ABCC12: variants seen among roughly 807,000 people sequenced by gnomAD.
ABCC12 encodes ATP-binding cassette sub-family C member 12.
In ABCC12, 142 loss-of-function variants were observed where a neutral mutation model predicts 151.1. The ratio of observed to expected loss-of-function variants is 0.94; its 90% CI spans 0.82 to 1.08. ABCC12 has a LOEUF of 1.08. Among genes scored for constraint, ABCC12 ranks in the 50% least tolerant of loss-of-function variants. ABCC12 has a pLI of 0.00. For synonymous variants in ABCC12, 645 were observed against 646.4 expected (o/e 1.00, Z 0.03); for missense variants, 1,638 against 1,691.1 (o/e 0.97, Z 0.55).
In ABCC12 at chr16:48,140,900, G is replaced by A. The variant is rs371512764; in HGVS notation, c.444C>T (p.Ile148=). Residue 148 remains isoleucine (I), a synonymous_variant, in exon 6 of 31, where the codon ATC becomes ATT. Transcript: ENST00000311303. ...AIGPTVLIHQ[I]LQQTERTSGK... The stretch of plus-strand genomic sequence containing the variant: ...CAGAGGTCCTCTCAGTCTGCTGGAG[G>A]ATTTGGTGAATGAGAACTGTCTGTA... 4 of 1,613,996 alleles carry A rather than the reference G, an allele frequency of 2.5e-6. No individual in the cohort carries two copies. The Admixed American group carries it at 6.7e-5, about 27-fold the overall frequency.
chr16:48,103,282 TATA>T (rs1467230496), intron 22 of ABCC12, among the ~76,000 whole-genome samples: 1 of 152,022 alleles, frequency 6.6e-6, no homozygotes, highest in Non-Finnish European at 1.5e-5. Flanking sequence ...CTAAATATTT[TATA>T]ATTTGGGGGA....
chr16:48,121,619 C>T, intron 13 of ABCC12, 97 bp downstream of exon 13: 5 of 1,471,324 alleles, frequency 3.4e-6, no homozygotes, highest in Non-Finnish European at 4.6e-6. Context: ...TCATTAAACT[C>T]AGAACCCACT....
At chr16:48,145,793 G>A (rs1249230498) in intron 3 of ABCC12, among the ~76,000 whole-genome samples, 1 of 152,242 alleles carries the variant, frequency 6.6e-6, no homozygotes, top group Non-Finnish European at 1.5e-5. Context: ...ACAGGAGTAA[G>A]CCTGGTCAAG....
chr16:48,108,494 G>A lies in ABCC12; in HGVS notation c.2317C>T (p.Gln773Ter), dbSNP rs948286190. Residue 773 changes from glutamine to a stop codon, truncating the protein, a stop_gained, in exon 19 of 31, where the codon CAG becomes TAG. Coordinates refer to ENST00000311303, the MANE Select transcript of ABCC12 (RefSeq NM_001393797.1). LOFTEE classifies it high-confidence loss of function. ...GTTTTCCAGGTCACGGTTCCTTCCT[G>A]GGGGGATTCAGTCTGGATGAGCTGG... ...EHQLIQTESP[Q>*]EGTVTWKTYH... 1.2e-6 allele frequency: 2 copies of A among 1,614,090 alleles called. No homozygotes were observed. The highest frequency in any genetic ancestry group is 1.7e-6 in the Non-Finnish European group (2 of 1,179,990).
intron 19 of ABCC12, 50 bp from the exon 20 acceptor site, chr16:48,107,475 C>A (rs777294527): frequency 1.3e-6 from 2 of 1,520,392 alleles, no homozygotes; most frequent in Non-Finnish European, 1.8e-6. Flanking sequence ...GAGCACATGG[C>A]AGGGGCTGAC....
intron 10 of ABCC12, among the ~76,000 whole-genome samples, chr16:48,129,524 G>A (rs985602974): frequency 6.6e-6 from 1 of 152,168 alleles, no homozygotes; most frequent in African/African-American, 2.4e-5. Context: ...CTGAGGCACA[G>A]AGCTCAAGTT....
At chr16:48,087,739 G>T (rs1457065353) in intron 27 of ABCC12, 187 bp downstream of exon 27, 7 of 566,862 alleles carry the variant, frequency 1.2e-5, no homozygotes, top group South Asian at 3.0e-5. Flanking sequence ...CAGACCCCGG[G>T]CCCTGGCTCC....
intron 12 of ABCC12, 32 bp downstream of exon 12, chr16:48,124,181 T>A (rs1964163511): frequency 1.2e-6 from 2 of 1,606,932 alleles, no homozygotes; most frequent in South Asian, 2.2e-5. Context: ...ATGTTAATGT[T>A]CCATCTTCAC....
At chr16:48,108,363 A>C (rs1963569992) in intron 19 of ABCC12, 77 bp downstream of exon 19, 2 of 1,326,044 alleles carry the variant, frequency 1.5e-6, no homozygotes. Flanking sequence ...AGAAATCATA[A>C]AACGTGAACC....
intron 3 of ABCC12, among the ~76,000 whole-genome samples, chr16:48,144,726 G>A (rs1022460724): frequency 4.6e-5 from 7 of 152,010 alleles, no homozygotes; most frequent in Non-Finnish European, 1.0e-4. Context: ...TCTCAAATAA[G>A]CTATTTGCCT....
rs1205513614 is a variant in ABCC12 at position 48,111,486 on chromosome 16, T to C, written c.2231A>G (p.Lys744Arg). ...GIIVLAPGNE[K>R]DEGKESETGS... Reference sequence around the variant, plus strand: ...TGTTTCAGATTCTTTTCCTTCATCTTTCTCATTTCCTGGAGCCAAAACTAG... The same window carrying C: ...TGTTTCAGATTCTTTTCCTTCATCTCTCTCATTTCCTGGAGCCAAAACTAG... The change falls in exon 18 of 31, where the codon AAA becomes AGA. Residue 744 changes from lysine (K) to arginine (R), a missense_variant. Lys to Arg is a conservative substitution (Grantham distance 26). Transcript: ENST00000311303. 2 of 1,614,086 alleles carry C rather than the reference T, an allele frequency of 1.2e-6. No individual in the cohort carries two copies. The highest frequency in any genetic ancestry group is 1.7e-5 in the Admixed American group (1 of 60,006).
intron 25 of ABCC12, among the ~76,000 whole-genome samples, chr16:48,089,449 A>C (rs113254206): frequency 0.017 from 2,653 of 152,300 alleles, 35 homozygotes; most frequent in Non-Finnish European, 0.031. Context: ...GAAAAAAAAA[A>C]CATTTAAGTC....
At chr16:48,086,666 A>T in intron 28 of ABCC12, 75 bp downstream of exon 28, 1 of 1,376,392 alleles carries the variant, frequency 7.3e-7, no homozygotes, top group Non-Finnish European at 1.0e-6. Context: ...TGCTTGTCAA[A>T]TTTAAACATA....
chr16:48,104,276 C>A lies in ABCC12; in HGVS notation c.2766G>T (p.Arg922Ser), dbSNP rs759514805. ...GAAAGTTCTCTGCGTGAAACGGCAG[C>A]CTCACATCCAGCTCGTCCATATCCT... ...FSKDMDELDV[R>S]LPFHAENFLQ... The change falls in exon 22 of 31, where the codon AGG becomes AGT. Residue 922 changes from arginine (R) to serine (S), a missense_variant. Physicochemically the swap from Arg to Ser is moderately radical, Grantham distance 110. Transcript: ENST00000311303. 6.2e-7 allele frequency: 1 copy of A among 1,614,134 alleles called. No homozygotes were observed. Among genetic ancestry groups the A allele is most frequent in the Non-Finnish European group, 8.5e-7 (1 of 1,180,054 alleles).
At chr16:48,145,794 C>T (rs918167523) in intron 3 of ABCC12, among the ~76,000 whole-genome samples, 1 of 152,238 alleles carries the variant, frequency 6.6e-6, no homozygotes, top group Non-Finnish European at 1.5e-5. Context: ...CAGGAGTAAG[C>T]CTGGTCAAGA....
At chr16:48,124,313 T>C in intron 11 of ABCC12, 29 bp from the exon 12 acceptor site, 2 of 1,606,454 alleles carry the variant, frequency 1.2e-6, no homozygotes, top group South Asian at 1.1e-5. Flanking sequence ...TGGGACACAG[T>C]CACTCTCTCC....
At chr16:48,131,803 GT>G (rs1184208280) in intron 9 of ABCC12, among the ~76,000 whole-genome samples, 2 of 152,128 alleles carry the variant, frequency 1.3e-5, no homozygotes, top group Non-Finnish European at 2.9e-5. Flanking sequence ...ACTAATCCTA[GT>G]CCCTTCATTA....
intron 23 of ABCC12, among the ~76,000 whole-genome samples, chr16:48,100,417 G>A (rs1963261541): frequency 6.6e-6 from 1 of 151,948 alleles, no homozygotes; most frequent in Non-Finnish European, 1.5e-5. Flanking sequence ...GTAATAACAT[G>A]AAACAGGCTA....
At chr16:48,145,838 T>C (rs1964981820) in intron 3 of ABCC12, among the ~76,000 whole-genome samples, 1 of 152,222 alleles carries the variant, frequency 6.6e-6, no homozygotes, top group Non-Finnish European at 1.5e-5. Context: ...TCAGCCCAAG[T>C]TGCTTTATTT....
Sources: allele counts gnomAD v4.1 joint callset (sites outside exome capture counted in the v4.1 genomes callset), GRCh38; gene constraint gnomAD v4.1.1; transcripts MANE v1.5; gene names NCBI Gene and HGNC (gene_info 2026-07-23, HGNC 2026-07-21).